Variants in DIP2C observed in about 807,000 individuals in gnomAD.
DIP2C encodes the protein disco-interacting protein 2 homolog C.
Under a neutral mutation model 192.4 loss-of-function variants are expected in DIP2C, and 33 were observed. The ratio of observed to expected loss-of-function variants is 0.17; its 90% confidence interval spans 0.13 to 0.23. The LOEUF is 0.23. Ranked by LOEUF, DIP2C falls within the 10% of genes least tolerant of loss-of-function variation. DIP2C has a pLI of 1.00. For missense variants in DIP2C, 1,537 were observed against 2,110.1 expected, an observed-to-expected ratio of 0.73 and a Z score of 5.32; for synonymous variants, 979 against 864.1, an observed-to-expected ratio of 1.13 and a Z score of -2.33.
chr10:428,369 T>C (rs1315418859), intron 4 of DIP2C, among the ~76,000 whole-genome samples: 1 of 152,174 alleles, frequency 6.6e-6, no homozygotes, highest in Non-Finnish European at 1.5e-5. Flanking sequence ...TCAGCTTTCA[T>C]GTGTGTGAAT....
chr10:542,459 C>T (rs1564833485), intron 1 of DIP2C, among the ~76,000 whole-genome samples: 1 of 152,236 alleles, frequency 6.6e-6, no homozygotes, highest in Non-Finnish European at 1.5e-5. Context: ...CAGGACCCAC[C>T]AGCAGGACTG....
intron 1 of DIP2C, among the ~76,000 whole-genome samples, chr10:639,918 T>C (rs1290329865): frequency 1.3e-5 from 2 of 152,036 alleles, no homozygotes; most frequent in African/African-American, 4.8e-5. Flanking sequence ...CCGGCCTGTA[T>C]CCAAGGCTTC....
At chr10:387,298 G>A (rs1005150838) in intron 14 of DIP2C, among the ~76,000 whole-genome samples, 1 of 152,226 alleles carries the variant, frequency 6.6e-6, no homozygotes, top group Admixed American at 6.5e-5. Flanking sequence ...TGGCTTTGTG[G>A]TGCAGTTGTG....
rs139516737 is a variant in DIP2C, at chr10:374,344, TAACAG to T, written c.1992-4716_1992-4712del. 6.1e-3 allele frequency among the ~76,000 whole-genome samples: 925 copies of T among 152,340 alleles called. 4 individuals carry two copies. The highest frequency in any genetic ancestry group is 0.014 in the Middle Eastern group (4 of 294). Reference sequence around the variant, plus strand: ...AAAATAACATACTTTGCATTCCCACTAACAGAACAGGAGTATTATTTTCTCATCTA... The same window carrying T: ...AAAATAACATACTTTGCATTCCCACTAACAGGAGTATTATTTTCTCATCTA... On this transcript the variant is annotated intron_variant, in intron 17 of 36. Coordinates refer to ENST00000280886, the MANE Select transcript of DIP2C (RefSeq NM_014974.3).
chr10:482,883 G>A (rs1392585005), intron 2 of DIP2C, among the ~76,000 whole-genome samples: 2 of 152,198 alleles, frequency 1.3e-5, no homozygotes, highest in Non-Finnish European at 2.9e-5. Context: ...CCGCAGAAGG[G>A]TGAGAGCGAA....
chr10:339,651 C>T (rs868463625), intron 29 of DIP2C, among the ~76,000 whole-genome samples: 1 of 152,016 alleles, frequency 6.6e-6, no homozygotes, highest in South Asian at 2.1e-4. Context: ...TTCAGCTTGG[C>T]GCATATACCT....
rs145908464 is a variant in DIP2C, at chr10:579,674, C to T, written c.86-93144G>A. ...AACATCCAGATCCATAGTGTATGTA[C>T]GTAAGTGCAGTATAACATGTATGTA... On this transcript the variant is annotated intron_variant, in intron 1 of 36. Coordinates refer to ENST00000280886, the MANE Select transcript of DIP2C (RefSeq NM_014974.3). Among the ~76,000 whole-genome samples the T allele has an allele frequency of 4.7e-3, 721 of 152,010 alleles. 13 individuals are homozygous for T. Among genetic ancestry groups the T allele is most frequent in the African/African-American group, 0.015 (621 of 41,454 alleles).
intron 2 of DIP2C, chr10:484,951 G>C: frequency 6.2e-7 from 1 of 1,603,602 alleles, no homozygotes; most frequent in South Asian, 1.1e-5. Flanking sequence ...ATTCGCTGCT[G>C]TAACAAGTTG....
intron 1 of DIP2C, among the ~76,000 whole-genome samples, chr10:612,819 G>T (rs934525777): frequency 1.3e-5 from 2 of 152,158 alleles, no homozygotes; most frequent in Non-Finnish European, 2.9e-5. Flanking sequence ...CTCCACAGAA[G>T]CAAGTATTCT....
intron 1 of DIP2C, among the ~76,000 whole-genome samples, chr10:547,306 C>T (rs1413463003): frequency 6.6e-6 from 1 of 152,204 alleles, no homozygotes; most frequent in Non-Finnish European, 1.5e-5. Flanking sequence ...AGCATGCACC[C>T]ACACATCAGA....
chr10:523,019 C>T (rs1007563075), intron 1 of DIP2C, among the ~76,000 whole-genome samples: 2 of 151,932 alleles, frequency 1.3e-5, no homozygotes, highest in African/African-American at 4.8e-5. Flanking sequence ...GACACATACA[C>T]TCATTTCTAC....
At chr10:497,644 A>G (rs1033026743) in intron 1 of DIP2C, among the ~76,000 whole-genome samples, 2 of 152,246 alleles carry the variant, frequency 1.3e-5, no homozygotes, top group Admixed American at 1.3e-4. Flanking sequence ...TCTTGGATCC[A>G]GAGAAGCTGA....
intron 28 of DIP2C, among the ~76,000 whole-genome samples, chr10:343,564 A>C (rs528407663): frequency 6.6e-5 from 10 of 152,346 alleles, no homozygotes; most frequent in Non-Finnish European, 1.2e-4. Flanking sequence ...ATAAAATGTA[A>C]AATGTAAATA....
At chr10:681,945 G>A (rs1378805543) in intron 1 of DIP2C, among the ~76,000 whole-genome samples, 1 of 152,246 alleles carries the variant, frequency 6.6e-6, no homozygotes, top group Non-Finnish European at 1.5e-5. Flanking sequence ...GGCTGCAACA[G>A]GGACCCAGAG....
At chr10:596,610 A>G (rs1851723087) in intron 1 of DIP2C, among the ~76,000 whole-genome samples, 1 of 151,922 alleles carries the variant, frequency 6.6e-6, no homozygotes, top group South Asian at 2.1e-4. Context: ...GATACATCAC[A>G]GGAGACGTAG....
chr10:660,810 A>G (rs77119878), intron 1 of DIP2C, among the ~76,000 whole-genome samples: 5,487 of 152,308 alleles, frequency 0.036, 320 homozygotes, highest in African/African-American at 0.12. Flanking sequence ...AACGGGATCC[A>G]CTATGAGGTG....
intron 1 of DIP2C, among the ~76,000 whole-genome samples, chr10:640,263 G>A (rs937780461): frequency 4.6e-5 from 7 of 152,074 alleles, no homozygotes; most frequent in Non-Finnish European, 8.8e-5. Flanking sequence ...CCCGCCCACG[G>A]CCACCAAGGG....
At chr10:485,080 G>A (rs936421970) in intron 2 of DIP2C, 25 of 1,180,038 alleles carry the variant, frequency 2.1e-5, no homozygotes, top group Middle Eastern at 3.0e-4. Context: ...GGGCACGACC[G>A]CCCTCTGCGC....
intron 1 of DIP2C, among the ~76,000 whole-genome samples, chr10:658,319 T>C (rs1456207300): frequency 1.9e-3 from 147 of 78,718 alleles, no homozygotes; most frequent in Non-Finnish European, 2.6e-3. Context: ...CTGGACCTGA[T>C]GCTGGACCTG....
Sources: gnomAD v4.1 joint callset for allele counts (sites outside exome capture counted in the v4.1 genomes callset) on GRCh38, gnomAD v4.1.1 for gene constraint, MANE v1.5 for transcripts, NCBI Gene and HGNC (gene_info 2026-07-23, HGNC 2026-07-21) for gene names.